The following SLC3A1 variants were observed in gnomAD, a reference collection of about 807,000 sequenced individuals.
SLC3A1 encodes the protein amino acid transporter heavy chain SLC3A1.
A neutral mutation model predicts 60.3 loss-of-function variants in SLC3A1; 78 were observed. The observed-to-expected ratio is 1.29, with a 90% confidence interval of 1.08 to 1.56. The LOEUF is 1.56. SLC3A1 is among the 40% of genes most tolerant of loss of function. The pLI, the probability that SLC3A1 is intolerant of heterozygous loss-of-function variation, is 0.00. For synonymous variants in SLC3A1, 392 were observed against 307.9 expected (o/e 1.27, Z -2.86); for missense variants, 1,172 against 858.9 (o/e 1.36, Z -4.56).
At chr2:44,318,507 T>C (rs1672627353) in intron 9 of SLC3A1, 1 of 158,862 alleles carries the variant, frequency 6.3e-6, no homozygotes, top group Non-Finnish European at 1.4e-5. Context: ...CAGTTCTATA[T>C]ACATTGATAT....
intron 9 of SLC3A1, chr2:44,314,173 A>G: frequency 8.8e-7 from 1 of 1,141,952 alleles, no homozygotes; most frequent in Admixed American, 2.5e-5. Flanking sequence ...ATCATATAGA[A>G]TATACAAGTC....
At chr2:44,301,260 T>G in intron 6 of SLC3A1, 133 bp downstream of exon 6, 1 of 1,209,596 alleles carries the variant, frequency 8.3e-7, no homozygotes, top group Non-Finnish European at 1.2e-6. Context: ...TGATTACAGT[T>G]TGGTTGTACC....
At chr2:44,300,967 G>A (rs1671987969) in intron 5 of SLC3A1, 36 bp from the exon 6 acceptor site, 2 of 1,612,878 alleles carry the variant, frequency 1.2e-6, no homozygotes, top group Admixed American at 1.7e-5. Context: ...TGCAATGTAT[G>A]AAATGAGGGT....
intron 4 of SLC3A1, among the ~76,000 whole-genome samples, chr2:44,289,874 A>G (rs998377708): frequency 3.3e-5 from 5 of 149,766 alleles, no homozygotes; most frequent in Non-Finnish European, 7.4e-5. Flanking sequence ...CAGGTGATCC[A>G]CCCGCCTCGG....
chr2:44,304,293 A>C lies in SLC3A1; in HGVS notation c.1287A>C (p.Thr429=). The C allele has an allele frequency of 6.2e-7, 1 of 1,614,188 alleles. No individual in the cohort carries two copies. Among genetic ancestry groups the C allele is most frequent in the African/African-American group, 1.3e-5 (1 of 75,050 alleles). ...VSGNSVYEVI[T]SWMENMPEGK... is the part of the protein sequence containing the mutation. ...GGAACAGCGTGTATGAGGTTATCAC[A>C]TCCTGGATGGAAAACATGCCAGAAG... Residue 429 remains threonine (T), a synonymous_variant, in exon 7 of 10, where the codon ACA becomes ACC. Transcript: ENST00000260649.
At chr2:44,308,942 C>T (rs188744844) in intron 7 of SLC3A1, among the ~76,000 whole-genome samples, 3 of 152,224 alleles carry the variant, frequency 2.0e-5, no homozygotes, top group East Asian at 1.9e-4. Flanking sequence ...CCGTGTTAGC[C>T]AAGATGGCCT....
chr2:44,312,997 T>A (rs1358721507), intron 8 of SLC3A1, among the ~76,000 whole-genome samples: 1 of 152,130 alleles, frequency 6.6e-6, no homozygotes, highest in Admixed American at 6.6e-5. Flanking sequence ...TAAAGATGTT[T>A]TCTACCTGAT....
At chr2:44,316,909 T>C (rs1672482351) in intron 9 of SLC3A1, among the ~76,000 whole-genome samples, 1 of 152,102 alleles carries the variant, frequency 6.6e-6, no homozygotes, top group African/African-American at 2.4e-5. Context: ...AGATACAATG[T>C]ATTAAAGAAG....
intron 5 of SLC3A1, 136 bp from the exon 6 acceptor site, chr2:44,300,867 C>T (rs1264417326): frequency 4.4e-6 from 4 of 916,158 alleles, no homozygotes; most frequent in Admixed American, 3.8e-5. Context: ...CATTCTTCTC[C>T]ATCCACAAAA....
intron 4 of SLC3A1, among the ~76,000 whole-genome samples, chr2:44,287,946 A>G (rs116570279): frequency 0.01 from 1,548 of 152,292 alleles, 29 homozygotes; most frequent in African/African-American, 0.035. Context: ...TATAATTCAC[A>G]TACCATAAAA....
rs770711385 is a variant in SLC3A1 at position 44,320,450 on chromosome 2, T to G, written c.1869T>G (p.Ser623Arg). The G allele has an allele frequency of 2.5e-6, 4 of 1,614,130 alleles. No individual in the cohort carries two copies. Among genetic ancestry groups the G allele is most frequent in the Non-Finnish European group, 3.4e-6 (4 of 1,179,974 alleles). Residue 623 changes from serine (S) to arginine (R), a missense_variant, in exon 10 of 10, where the codon AGT (serine) becomes AGG (arginine). Physicochemically the swap from Ser to Arg is moderately radical, Grantham distance 110 (BLOSUM62 -1). Transcript: ENST00000260649. ...CCGCTAAAATGAGAATAAGGTTAAG[T>G]ACCAATTCTGCCGACAAAGGCAGTA... ...GLPAKMRIRL[S>R]TNSADKGSKV...
At chr2:44,305,308 G>T (rs1186860345) in intron 7 of SLC3A1, among the ~76,000 whole-genome samples, 2 of 151,984 alleles carry the variant, frequency 1.3e-5, no homozygotes, top group African/African-American at 2.4e-5. Context: ...AGGCTCCTTC[G>T]TAAGATGTCT....
intron 4 of SLC3A1, among the ~76,000 whole-genome samples, chr2:44,296,831 G>C (rs1022337855): frequency 1.3e-5 from 2 of 152,104 alleles, no homozygotes; most frequent in Non-Finnish European, 2.9e-5. Flanking sequence ...TTGAATCATG[G>C]GTGTGGTTTC....
chr2:44,304,064 T>C, intron 6 of SLC3A1, 79 bp from the exon 7 acceptor site: 1 of 1,070,776 alleles, frequency 9.3e-7, no homozygotes, highest in South Asian at 1.3e-5. Flanking sequence ...ATCTTGTACA[T>C]GCAAGATAAG....
At position 44,305,502 on chromosome 2, in the gene SLC3A1, A is replaced by C. The variant is rs376093122; in HGVS notation, c.1332+1164A>C. On this transcript the variant is annotated intron_variant, in intron 7 of 9. Coordinates refer to ENST00000260649, the MANE Select transcript of SLC3A1 (RefSeq NM_000341.4). ...GGAGTGCATGGCGTGATCTTGGCTT[A>C]CTGCAACCTCCACCTCCTGGGTTCA... Among the ~76,000 whole-genome samples the C allele has an allele frequency of 3.0e-4, 41 of 136,156 alleles. No homozygotes were observed. In the South Asian group the frequency reaches 4.5e-3, roughly 15 times the overall value. The allele number at this position is 136,156 out of a possible 152,430, so 89.3% of individuals were successfully genotyped here. A position where few individuals can be genotyped will look rare whatever the true frequency, so the allele number is the denominator to read the frequency against.
chr2:44,304,188 G>T lies in SLC3A1; in HGVS notation c.1182G>T (p.Val394=), dbSNP rs1314451032. Residue 394 remains valine, a synonymous_variant, in exon 7 of 10, where the codon GTG becomes GTT. Coordinates refer to ENST00000260649, the MANE Select transcript of SLC3A1 (RefSeq NM_000341.4). The part of the protein sequence containing the change: ...EAYAESIDRT[V]MYYGLPFIQE... ...ATGCAGAGAGTATTGACAGGACCGT[G>T]ATGTACTATGGATTGCCATTTATCC... is the stretch of plus-strand genomic sequence containing the variant. The T allele has an allele frequency of 3.1e-6, 5 of 1,614,006 alleles. No individual in the cohort carries two copies. The highest frequency in any genetic ancestry group is 1.7e-5 in the Admixed American group (1 of 59,996).
chr2:44,293,873 G>A (rs1671790338), intron 4 of SLC3A1, among the ~76,000 whole-genome samples: 1 of 152,290 alleles, frequency 6.6e-6, no homozygotes, highest in Middle Eastern at 3.4e-3. Flanking sequence ...TTCCTCACTG[G>A]TAAAGGGGGA....
At chr2:44,301,372 G>T in intron 6 of SLC3A1, 1 of 607,382 alleles carries the variant, frequency 1.6e-6, no homozygotes, top group Non-Finnish European at 2.9e-6. Flanking sequence ...CAGGAGTTTT[G>T]TGAAAATTAG....
chr2:44,281,501 G>C lies in SLC3A1; in HGVS notation c.725G>C (p.Cys242Ser). The C allele has an allele frequency of 1.9e-6, 3 of 1,613,982 alleles. No homozygotes were observed. Among genetic ancestry groups the C allele is most frequent in the Non-Finnish European group, 1.7e-6 (2 of 1,179,888 alleles). The change falls in exon 3 of 10, where the codon TGT becomes TCT. Residue 242 changes from cysteine (C) to serine (S), a missense_variant. Physicochemically the swap from Cys to Ser is moderately radical, Grantham distance 112 (BLOSUM62 -1). Coordinates refer to ENST00000260649, the MANE Select transcript of SLC3A1 (RefSeq NM_000341.4). ...KYTDYYIWHDCTHENGKTIPP... is the reference protein window; with the variant it reads ...KYTDYYIWHDSTHENGKTIPP... ...ACTGATTATTATATCTGGCATGACT[G>C]TACCCATGAAAATGGCAAAACCATT...
Sources: gnomAD v4.1 joint callset for allele counts (sites outside exome capture counted in the v4.1 genomes callset) on GRCh38, gnomAD v4.1.1 for gene constraint, MANE v1.5 for transcripts, NCBI Gene and HGNC (gene_info 2026-07-23, HGNC 2026-07-21) for gene names.